The following RASAL1 variants were observed in gnomAD, a reference collection of about 807,000 sequenced individuals.
RASAL1 encodes rasGAP-activating-like protein 1.
Under a neutral mutation model 96.6 loss-of-function variants are expected in RASAL1, and 72 were observed. The observed-to-expected ratio is 0.75, with a 90% CI of 0.62 to 0.91. RASAL1 has a LOEUF of 0.91. Ranked by LOEUF, RASAL1 falls within the 40% of genes least tolerant of loss-of-function variation. The pLI is 0.00. For missense variants in RASAL1, 1,016 were observed against 1,072.5 expected, an observed-to-expected ratio of 0.95 and a Z score of 0.74; for synonymous variants, 405 against 430.4, an observed-to-expected ratio of 0.94 and a Z score of 0.73.
Position 113,104,071 on chromosome 12 carries a change from T to A in RASAL1, c.1979A>T (p.Glu660Val), listed in dbSNP as rs776274311. 6.7e-7 allele frequency: 1 copy of A among 1,500,004 alleles called. No homozygotes were observed. The highest frequency in any genetic ancestry group is 1.8e-5 in the Admixed American group (1 of 54,688). The allele number at this position is 1,500,004 out of a possible 1,614,324, so 92.9% of individuals were successfully genotyped here. Residue 660 changes from glutamate to valine, a missense_variant, in exon 18 of 21, where the codon GAG becomes GTG. By Grantham distance (121) the Glu-to-Val change is moderately radical. Coordinates refer to ENST00000548055, the MANE Select transcript of RASAL1 (RefSeq NM_001301202.2). ...TTYLQCKNVN[E>V]LNQWLSALRK... ...CAAGGCCGAGAGCCACTGGTTGAGC[T>A]CATTCACATTCTGCAGCGGGTGGGA...
At chr12:113,120,172 G>C (rs114340616) in intron 5 of RASAL1, among the ~76,000 whole-genome samples, 2,166 of 152,284 alleles carry the variant, frequency 0.014, 42 homozygotes, top group African/African-American at 0.049. Flanking sequence ...ACCAGGGGCT[G>C]CTTCCTTCTT....
At chr12:113,133,840 G>A (rs1361502293) in intron 1 of RASAL1, among the ~76,000 whole-genome samples, 2 of 152,232 alleles carry the variant, frequency 1.3e-5, no homozygotes, top group African/African-American at 4.8e-5. Context: ...ACTGGCCCAG[G>A]AATTGGGGGC....
intron 19 of RASAL1, among the ~76,000 whole-genome samples, chr12:113,101,216 G>C (rs931753871): frequency 6.6e-6 from 1 of 152,206 alleles, no homozygotes; most frequent in Non-Finnish European, 1.5e-5. Context: ...AGGAACTGGA[G>C]ACTAGCCTGG....
In RASAL1 at chr12:113,135,750, A is replaced by G. The variant is rs1368865354; in HGVS notation, c.-288T>C. On this transcript the variant is annotated 5_prime_UTR_variant, in exon 1 of 21. Coordinates refer to ENST00000548055, the MANE Select transcript of RASAL1 (RefSeq NM_001301202.2). The surrounding 1 kb of genome is among the most constrained non-coding windows in gnomAD (Gnocchi z 5.7). ...GCCGAGGCGTCTGGAGCTCCAGACA[A>G]GCAGGCTGGGCGGGCAGGGGGCGGG... 1 of 196,044 alleles carries G rather than the reference A, an allele frequency of 5.1e-6. No homozygotes were observed. The highest frequency in any genetic ancestry group is 1.0e-5 in the Non-Finnish European group (1 of 96,244). 12.1% of individuals were successfully genotyped at this position (196,044 alleles called of 1,614,324 possible).
chr12:113,135,125 C>A lies in RASAL1; in HGVS notation c.65+273G>T, dbSNP rs1592976238. On this transcript the variant is annotated intron_variant, in intron 1 of 20. Coordinates refer to ENST00000548055, the MANE Select transcript of RASAL1 (RefSeq NM_001301202.2). The surrounding 1 kb of genome is among the most constrained non-coding windows in gnomAD (Gnocchi z 5.7). ...CTCTAATCCCCTCTTCAGCTCTGGA[C>A]GACCCCCTTTAGTACATCCCGGGAA... Among the ~76,000 whole-genome samples, 1 of 151,934 alleles carries A rather than the reference C, an allele frequency of 6.6e-6. No homozygotes were observed. The highest frequency in any genetic ancestry group is 2.4e-5 in the African/African-American group (1 of 41,370).
intron 1 of RASAL1, among the ~76,000 whole-genome samples, chr12:113,132,871 C>T (rs1453543295): frequency 6.6e-6 from 1 of 152,174 alleles, no homozygotes; most frequent in African/African-American, 2.4e-5. Flanking sequence ...CTGTGGAGTG[C>T]CCCAAGCCTC....
rs529213166 is a variant in RASAL1, at chr12:113,135,682, T to G, written c.-220A>C. On this transcript the variant is annotated 5_prime_UTR_variant, in exon 1 of 21. Coordinates refer to ENST00000548055, the MANE Select transcript of RASAL1 (RefSeq NM_001301202.2). This position sits in a 1 kb window ranked among gnomAD's most constrained non-coding sequence, Gnocchi z 5.7. The stretch of plus-strand genomic sequence containing the variant: ...GTCCGGACTCTACAGGTAGGAGCCG[T>G]GCTCCGAGCAGGAGGAGCGCGCAGG... 105 of 408,278 alleles carry G rather than the reference T, an allele frequency of 2.6e-4. 2 individuals are homozygous for G. In the South Asian group the frequency reaches 2.7e-3, roughly 10 times the overall value. 25.3% of individuals were successfully genotyped at this position (408,278 alleles called of 1,614,324 possible).
rs1255646323 is a variant in RASAL1, at chr12:113,121,536, C to T, written c.401G>A (p.Cys134Tyr). 6.2e-7 allele frequency: 1 copy of T among 1,614,208 alleles called. No individual in the cohort carries two copies. Among genetic ancestry groups the T allele is most frequent in the African/African-American group, 1.3e-5 (1 of 75,046 alleles). ...GGCCTGAAGCACATGGCAGCGAAGG[C>T]AGCGGCCCTGCCCATCCTCCAGCAT... Reference protein sequence around the residue: ...VQMLEDGQGRCLRCHVLQARD... With the variant: ...VQMLEDGQGRYLRCHVLQARD... Residue 134 changes from cysteine to tyrosine, a missense_variant, in exon 5 of 21, where the codon TGC (cysteine) becomes TAC (tyrosine). By Grantham distance (194) the Cys-to-Tyr change is radical. Transcript: ENST00000548055.
rs146632065 is a variant in RASAL1, at chr12:113,115,869, AG to A, written c.849+64del. 0.14 allele frequency: 217,728 copies of A among 1,588,318 alleles called. 16,675 individuals carry two copies. Among genetic ancestry groups the A allele is most frequent in the Middle Eastern group, 0.16 (974 of 5,922 alleles). On this transcript the variant is annotated intron_variant, in intron 9 of 20. Coordinates refer to ENST00000548055, the MANE Select transcript of RASAL1 (RefSeq NM_001301202.2). The surrounding 1 kb of genome is among the most constrained non-coding windows in gnomAD (Gnocchi z 4.1). ...GGGCCTAGATAGGGCTCCGTGAGGC[AG>A]GGGGAGGCCAGGATCCAGACCCCCG...
intron 12 of RASAL1, among the ~76,000 whole-genome samples, chr12:113,113,605 C>A (rs1047849842): frequency 6.6e-6 from 1 of 152,154 alleles, no homozygotes; most frequent in Non-Finnish European, 1.5e-5. Context: ...AGGCAAGTGA[C>A]CTTCCCTCTC....
intron 2 of RASAL1, 47 bp from the exon 3 acceptor site, chr12:113,128,225 G>A (rs1267239877): frequency 8.3e-7 from 1 of 1,206,410 alleles, no homozygotes. Flanking sequence ...CCACACAGGA[G>A]GCAGACACCT....
chr12:113,132,561 C>A (rs190807539), intron 1 of RASAL1, among the ~76,000 whole-genome samples: 1 of 152,276 alleles, frequency 6.6e-6, no homozygotes, highest in East Asian at 1.9e-4. Context: ...TCCCTCGATG[C>A]CCCAGCACCA....
Position 113,105,901 on chromosome 12 carries a change from A to G in RASAL1, c.1658-15T>C, listed in dbSNP as rs751612546. 6.2e-7 allele frequency: 1 copy of G among 1,608,948 alleles called. No homozygotes were observed. The highest frequency in any genetic ancestry group is 8.5e-7 in the Non-Finnish European group (1 of 1,177,312). On this transcript the variant is annotated splice_polypyrimidine_tract_variant and intron_variant, in intron 15 of 20. Transcript: ENST00000548055. Reference sequence around the variant, plus strand: ...GACACCAGCTTCTAGGAGATGGGAGAAGAGAGCGGTGGACAGTGAGCCCTC... The same window carrying G: ...GACACCAGCTTCTAGGAGATGGGAGGAGAGAGCGGTGGACAGTGAGCCCTC...
chr12:113,135,589 G>T lies in RASAL1; in HGVS notation c.-127C>A. On this transcript the variant is annotated 5_prime_UTR_variant, in exon 1 of 21. Transcript: ENST00000548055. This position sits in a 1 kb window ranked among gnomAD's most constrained non-coding sequence, Gnocchi z 5.7. Reference sequence around the variant, plus strand: ...CGTGGTCCCAGTGCCGCCTGTCCGAGACCCGGGTAGCTGGATGGGAGATTT... The same window carrying T: ...CGTGGTCCCAGTGCCGCCTGTCCGATACCCGGGTAGCTGGATGGGAGATTT... 1.3e-6 allele frequency: 1 copy of T among 776,068 alleles called. No individual in the cohort carries two copies. The highest frequency in any genetic ancestry group is 2.1e-6 in the Non-Finnish European group (1 of 471,952). The allele number at this position is 776,068 out of a possible 1,614,324, so 48.1% of individuals were successfully genotyped here.
chr12:113,114,562 G>C (rs935241550), intron 12 of RASAL1, among the ~76,000 whole-genome samples: 2 of 152,116 alleles, frequency 1.3e-5, no homozygotes, highest in Non-Finnish European at 2.9e-5. Context: ...TCCACCAGTA[G>C]TGGCAAAGCT....
chr12:113,103,605 C>CAA (rs35312852), intron 18 of RASAL1, among the ~76,000 whole-genome samples: 205 of 134,598 alleles, frequency 1.5e-3, no homozygotes, highest in South Asian at 6.1e-3. Context: ...GACTCTGTCT[C>CAA]AAAAAAAAAA....
chr12:113,114,647 G>T (rs997201116), intron 12 of RASAL1, among the ~76,000 whole-genome samples, 153 bp downstream of exon 12: 1 of 152,126 alleles, frequency 6.6e-6, no homozygotes, highest in Admixed American at 6.5e-5. Flanking sequence ...ATGGTTTAAG[G>T]GCTTGTGTGT....
chr12:113,099,643 A>G lies in RASAL1; in HGVS notation c.*286T>C, dbSNP rs2136074754. 1 of 299,848 alleles carries G rather than the reference A, an allele frequency of 3.3e-6. No homozygotes were observed. Among genetic ancestry groups the G allele is most frequent in the Non-Finnish European group, 6.1e-6 (1 of 163,726 alleles). The allele number at this position is 299,848 out of a possible 1,614,324, so 18.6% of individuals were successfully genotyped here. A position where few individuals can be genotyped will look rare whatever the true frequency, so the allele number is the denominator to read the frequency against. On this transcript the variant is annotated 3_prime_UTR_variant, in exon 21 of 21. Coordinates refer to ENST00000548055, the MANE Select transcript of RASAL1 (RefSeq NM_001301202.2). Reference sequence around the variant, plus strand: ...GTATGGATAGAGGCCAGTTTGGTGAAGTAGAGACCCCAGTCTCAGTCAAAT... The same window carrying G: ...GTATGGATAGAGGCCAGTTTGGTGAGGTAGAGACCCCAGTCTCAGTCAAAT...
Position 113,106,650 on chromosome 12 carries a change from CT to C in RASAL1, c.1657+446del, listed in dbSNP as rs72340533. Among the ~76,000 whole-genome samples the C allele has an allele frequency of 2.9e-3, 432 of 150,074 alleles. 2 individuals are homozygous for C. The highest frequency in any genetic ancestry group is 9.8e-3 in the African/African-American group (401 of 40,960). On this transcript the variant is annotated intron_variant, in intron 15 of 20. Coordinates refer to ENST00000548055, the MANE Select transcript of RASAL1 (RefSeq NM_001301202.2). Reference sequence around the variant, plus strand: ...CCTTTCAGATCTCTGTTCTTTCCTCCTTTTTTTTTTCCTTCTTAGCACTTAC... The same window carrying C: ...CCTTTCAGATCTCTGTTCTTTCCTCCTTTTTTTTTCCTTCTTAGCACTTAC...
Sources: gnomAD v4.1 joint callset for allele counts (sites outside exome capture counted in the v4.1 genomes callset) on GRCh38, gnomAD v4.1.1 for gene constraint, Gnocchi (gnomAD v3.1) non-coding constraint, MANE v1.5 for transcripts, NCBI Gene and HGNC (gene_info 2026-07-23, HGNC 2026-07-21) for gene names.